The following MFSD8 variants were observed in gnomAD, a reference collection of about 807,000 sequenced individuals.
The protein encoded by MFSD8 is major facilitator superfamily domain containing 8, also known as major facilitator superfamily domain-containing protein 8.
MFSD8 carries 55 observed loss-of-function variants against 66.4 expected under a neutral mutation model. The observed-to-expected ratio is 0.83, with a 90% CI of 0.67 to 1.04. MFSD8 has a LOEUF of 1.04. MFSD8 is among the 50% of genes least tolerant of loss of function. The probability of loss-of-function intolerance (pLI) is 0.00; values close to 1 mark genes in which losing one functional copy is unlikely to be tolerated. For missense variants in MFSD8, 550 were observed against 627.6 expected, an observed-to-expected ratio of 0.88 and a Z score of 1.32; for synonymous variants, 202 against 212.8, an observed-to-expected ratio of 0.95 and a Z score of 0.44.
intron 8 of MFSD8, among the ~76,000 whole-genome samples, chr4:127,931,653 A>C (rs905013616): frequency 6.6e-6 from 1 of 152,092 alleles, no homozygotes; most frequent in African/African-American, 2.4e-5. Flanking sequence ...CACCGCACCC[A>C]GTCTGAAATT....
rs902219529 is a variant in MFSD8 at position 127,918,215 on chromosome 4, T to C, written c.*2415A>G. The C allele has an allele frequency of 9.8e-5, 15 of 152,322 alleles. No individual in the cohort carries two copies. Among genetic ancestry groups the C allele is most frequent in the African/African-American group, 3.4e-4 (14 of 41,578 alleles). 9.4% of individuals were successfully genotyped at this position (152,322 alleles called of 1,614,324 possible). A position where few individuals can be genotyped will look rare whatever the true frequency, so the allele number is the denominator to read the frequency against. On this transcript the variant is annotated 3_prime_UTR_variant, in exon 12 of 12. Coordinates refer to ENST00000641686, the MANE Select transcript of MFSD8 (RefSeq NM_001371596.2). ...ACCTTAAAATCTCCTGTTGTCATTTTCTCTTTATACGCAACTTGGCCTACT... is the reference window on the plus strand; with the variant it reads ...ACCTTAAAATCTCCTGTTGTCATTTCCTCTTTATACGCAACTTGGCCTACT...
At chr4:127,940,829 T>A (rs1254486986) in intron 5 of MFSD8, among the ~76,000 whole-genome samples, 1 of 152,010 alleles carries the variant, frequency 6.6e-6, no homozygotes, top group Non-Finnish European at 1.5e-5. Flanking sequence ...GTAATTCACA[T>A]ATAACTCTAG....
intron 7 of MFSD8, among the ~76,000 whole-genome samples, chr4:127,935,041 C>T (rs1428916385): frequency 6.6e-6 from 1 of 151,964 alleles, no homozygotes; most frequent in Non-Finnish European, 1.5e-5. Flanking sequence ...GAAGGAGTTC[C>T]TCCTCCAACA....
intron 9 of MFSD8, among the ~76,000 whole-genome samples, chr4:127,929,298 G>C (rs1737717297): frequency 7.6e-6 from 1 of 131,478 alleles, no homozygotes; most frequent in African/African-American, 3.2e-5. Flanking sequence ...ACTCCAGCCT[G>C]GGCAACAGAG....
rs77098161 is a variant in MFSD8, at chr4:127,930,747, T to C, written c.934A>G (p.Ile312Val). Residue 312 changes from isoleucine to valine, a missense_variant, in exon 9 of 12, where the codon ATA (isoleucine) becomes GTA (valine). By Grantham distance (29) the Ile-to-Val change is conservative. Coordinates refer to ENST00000641686, the MANE Select transcript of MFSD8 (RefSeq NM_001371596.2). Reference protein sequence around the residue: ...QEQAVLYNGIILAALGVEAVV... With the variant: ...QEQAVLYNGIVLAALGVEAVV... ...GCTTCAACCCCAAGAGCAGCAAGTA[T>C]TATGCCATTATATAACACAGCTTGT... 7.4e-5 allele frequency: 119 copies of C among 1,613,680 alleles called. No individual in the cohort carries two copies. Among genetic ancestry groups the C allele is most frequent in the Middle Eastern group, 1.7e-4 (1 of 6,058 alleles).
chr4:127,931,511 C>A (rs932266927), intron 8 of MFSD8, among the ~76,000 whole-genome samples: 1 of 152,108 alleles, frequency 6.6e-6, no homozygotes, highest in Non-Finnish European at 1.5e-5. Context: ...GCGCCTGCCA[C>A]CATACCCAGT....
At position 127,919,983 on chromosome 4, in the gene MFSD8, T is replaced by G. The variant is rs1332146655; in HGVS notation, c.*647A>C. 1 of 154,284 alleles carries G rather than the reference T, an allele frequency of 6.5e-6. No individual in the cohort carries two copies. Among genetic ancestry groups the G allele is most frequent in the Admixed American group, 6.4e-5 (1 of 15,676 alleles). The allele number at this position is 154,284 out of a possible 1,614,324, so 9.6% of individuals were successfully genotyped here. The stretch of plus-strand genomic sequence containing the variant: ...CTCTGTATTGCTCAAATATTAGCAT[T>G]ATCCATACTCATTTATTAATGTAGG... On this transcript the variant is annotated 3_prime_UTR_variant, in exon 12 of 12. Coordinates refer to ENST00000641686, the MANE Select transcript of MFSD8 (RefSeq NM_001371596.2).
intron 2 of MFSD8, among the ~76,000 whole-genome samples, chr4:127,950,247 G>A (rs1281372152): frequency 1.3e-5 from 2 of 152,170 alleles, no homozygotes; most frequent in East Asian, 3.8e-4. Flanking sequence ...GGAAGAGCAG[G>A]AATAAGGAAA....
intron 9 of MFSD8, among the ~76,000 whole-genome samples, chr4:127,923,870 G>A (rs561498406): frequency 2.0e-4 from 30 of 152,110 alleles, no homozygotes; most frequent in Admixed American, 5.2e-4. Flanking sequence ...GTGAGCCACC[G>A]CACCTGGCCT....
intron 4 of MFSD8, 131 bp from the exon 5 acceptor site, chr4:127,942,289 C>A: frequency 1.4e-6 from 1 of 704,410 alleles, no homozygotes; most frequent in East Asian, 2.7e-5. Context: ...TCTTTATGAT[C>A]ACACAAAGCA....
chr4:127,922,101 T>A (rs907482507), intron 9 of MFSD8, 138 bp from the exon 10 acceptor site: 3 of 935,612 alleles, frequency 3.2e-6, no homozygotes, highest in South Asian at 1.5e-5. Context: ...TAAATATAAT[T>A]TTCCACTAAA....
At chr4:127,917,746 G>C (rs1334102982), downstream of MFSD8, 1 of 152,166 alleles carries the variant, frequency 6.6e-6, no homozygotes, top group East Asian at 1.9e-4. Flanking sequence ...TTGGCACATA[G>C]TGGGTACCCC....
intron 2 of MFSD8, among the ~76,000 whole-genome samples, chr4:127,956,387 C>G (rs1305388494): frequency 6.6e-6 from 1 of 150,666 alleles, no homozygotes; most frequent in Non-Finnish European, 1.5e-5. Flanking sequence ...GTAGTCCCAG[C>G]TACTCGGGAG....
rs577030543 is a variant in MFSD8, at chr4:127,952,262, G to A, written c.155-2415C>T. 4.8e-4 allele frequency among the ~76,000 whole-genome samples: 73 copies of A among 151,680 alleles called. 1 individual carries two copies. In the South Asian group the frequency reaches 0.013, roughly 26 times the overall value. ...CTACTAAAAATACAAAAAATTATCC[G>A]GGTGTAGCGGCATGCATCGTAGTCC... On this transcript the variant is annotated intron_variant, in intron 2 of 11. Transcript: ENST00000641686.
At chr4:127,960,220 A>C (rs1477710500) in intron 1 of MFSD8, among the ~76,000 whole-genome samples, 1 of 152,230 alleles carries the variant, frequency 6.6e-6, no homozygotes, top group African/African-American at 2.4e-5. Flanking sequence ...ACTGATCAGC[A>C]AAATGAGTTA....
intron 3 of MFSD8, among the ~76,000 whole-genome samples, chr4:127,947,863 A>AACAC (rs10648496): frequency 0.035 from 4,880 of 141,020 alleles, 93 homozygotes; most frequent in Middle Eastern, 0.054. Flanking sequence ...TGCACGTGTG[A>AACAC]ACACACACAC....
At position 127,933,028 on chromosome 4, in the gene MFSD8, C is replaced by T. The variant is rs745354809; in HGVS notation, c.820G>A (p.Val274Ile). 6 of 1,613,772 alleles carry T rather than the reference C, an allele frequency of 3.7e-6. No individual in the cohort carries two copies. The highest frequency in any genetic ancestry group is 1.7e-4 in the Middle Eastern group (1 of 6,058). Residue 274 changes from valine (V) to isoleucine (I), a missense_variant, in exon 8 of 12, where the codon GTT becomes ATT. By Grantham distance (29) the Val-to-Ile change is conservative. Transcript: ENST00000641686. The stretch of plus-strand genomic sequence containing the variant: ...ATAAATAGAGTCACAAAAAACAGAA[C>T]ATTGATGGCCACAACAGCAACCTGG... ...IDQVAVVAINVLFFVTLFIFA... is the reference protein window; with the variant it reads ...IDQVAVVAINILFFVTLFIFA...
intron 9 of MFSD8, among the ~76,000 whole-genome samples, chr4:127,923,223 C>T (rs1272564326): frequency 1.3e-5 from 2 of 152,150 alleles, no homozygotes; most frequent in Non-Finnish European, 2.9e-5. Context: ...AAAGGGAATG[C>T]TTCCAGTTTT....
intron 5 of MFSD8, among the ~76,000 whole-genome samples, chr4:127,941,017 C>T (rs1740100330): frequency 1.3e-5 from 2 of 152,010 alleles, no homozygotes; most frequent in African/African-American, 2.4e-5. Context: ...CTTTAAAATG[C>T]TTTTAAGGTG....
Sources: gnomAD v4.1 joint callset for allele counts (sites outside exome capture counted in the v4.1 genomes callset) on GRCh38, gnomAD v4.1.1 for gene constraint, MANE v1.5 for transcripts, NCBI Gene and HGNC (gene_info 2026-07-23, HGNC 2026-07-21) for gene names.